The following ATG10 variants were observed in gnomAD, a reference collection of about 807,000 sequenced individuals.
ATG10 encodes the protein autophagy related 10.
In ATG10, 30 loss-of-function variants were observed where a neutral mutation model predicts 32.1. The observed-to-expected ratio is 0.94, with a 90% CI of 0.70 to 1.27. The LOEUF (loss-of-function observed/expected upper bound fraction) is 1.27. ATG10 is among the 50% of genes most tolerant of loss of function. ATG10 has a pLI of 0.00. For missense variants in ATG10, 233 were observed against 262.3 expected (o/e 0.89, Z 0.77); for synonymous variants, 87 against 91.5 (o/e 0.95, Z 0.28).
rs1262005564 is a variant in ATG10 at position 81,987,539 on chromosome 5, A to G, written c.-12-20A>G. ...ATATAATTCTAAAGTTGATGCTAAT[A>G]CTTAGTTTTTGTATTGCAGTTATCA... On this transcript the variant is annotated intron_variant, in intron 1 of 7. Transcript: ENST00000282185. 1.4e-6 allele frequency: 2 copies of G among 1,441,454 alleles called. No individual in the cohort carries two copies. The highest frequency in any genetic ancestry group is 1.2e-5 in the South Asian group (1 of 82,340). The allele number at this position is 1,441,454 out of a possible 1,614,324, so 89.3% of individuals were successfully genotyped here.
chr5:82,119,774 A>AT (rs1234836907), intron 3 of ATG10, among the ~76,000 whole-genome samples: 1 of 152,108 alleles, frequency 6.6e-6, no homozygotes, highest in Non-Finnish European at 1.5e-5. Flanking sequence ...ATTACCACAC[A>AT]TTTTTAAAAA....
chr5:81,977,773 A>G (rs1046141039), intron 1 of ATG10, among the ~76,000 whole-genome samples: 1 of 152,196 alleles, frequency 6.6e-6, no homozygotes, highest in Non-Finnish European at 1.5e-5. Flanking sequence ...CAGTTTTGCC[A>G]GGAAGTTTGA....
intron 5 of ATG10, among the ~76,000 whole-genome samples, chr5:82,195,875 T>C (rs1218187005): frequency 1.3e-5 from 2 of 152,248 alleles, no homozygotes; most frequent in East Asian, 3.8e-4. Flanking sequence ...GAATATGTTT[T>C]CAGTTTTCTT....
chr5:81,977,511 G>T (rs551589243), intron 1 of ATG10, among the ~76,000 whole-genome samples: 6 of 152,186 alleles, frequency 3.9e-5, no homozygotes, highest in African/African-American at 1.4e-4. Context: ...TTGAAGAGCG[G>T]GTTCCCCATA....
intron 3 of ATG10, among the ~76,000 whole-genome samples, chr5:82,151,428 G>T (rs1003468936): frequency 6.6e-6 from 1 of 152,154 alleles, no homozygotes; most frequent in Non-Finnish European, 1.5e-5. Flanking sequence ...TGCCATAGAG[G>T]TTAATTATGC....
chr5:82,246,226 A>G (rs1193951009), intron 5 of ATG10, among the ~76,000 whole-genome samples: 1 of 152,008 alleles, frequency 6.6e-6, no homozygotes, highest in Non-Finnish European at 1.5e-5. Flanking sequence ...GCCTGCCACC[A>G]CACCCAGCTA....
intron 3 of ATG10, among the ~76,000 whole-genome samples, chr5:82,153,326 C>A (rs1767676221): frequency 6.6e-6 from 1 of 152,088 alleles, no homozygotes; most frequent in Admixed American, 6.6e-5. Context: ...TACAAGTGGG[C>A]ACACATGTAT....
intron 3 of ATG10, among the ~76,000 whole-genome samples, chr5:82,096,414 C>T (rs1765066385): frequency 6.6e-6 from 1 of 152,154 alleles, no homozygotes; most frequent in Admixed American, 6.6e-5. Context: ...GAAACCCTCC[C>T]CCTCTGAATA....
rs189683953 is a variant in ATG10, at chr5:82,143,558, T to C, written c.217-20841T>C. Among the ~76,000 whole-genome samples, 113 of 152,314 alleles carry C rather than the reference T, an allele frequency of 7.4e-4. 1 individual carries two copies. Among genetic ancestry groups the C allele is most frequent in the African/African-American group, 2.5e-3 (102 of 41,550 alleles). On this transcript the variant is annotated intron_variant, in intron 3 of 7. Coordinates refer to ENST00000282185, the MANE Select transcript of ATG10 (RefSeq NM_031482.5). ...GAACAAAAGGATAGATTTATGACAG[T>C]AGCTAGTGGGGGAAAACAGGGTCTT...
At chr5:82,033,106 G>T (rs1762789349) in intron 2 of ATG10, among the ~76,000 whole-genome samples, 1 of 151,898 alleles carries the variant, frequency 6.6e-6, no homozygotes, top group Non-Finnish European at 1.5e-5. Context: ...TTTTAAAATT[G>T]TTGTATTTTA....
intron 5 of ATG10, among the ~76,000 whole-genome samples, chr5:82,229,362 C>T (rs1202823461): frequency 6.6e-6 from 1 of 152,168 alleles, no homozygotes; most frequent in Non-Finnish European, 1.5e-5. Flanking sequence ...TGTTGAAGAA[C>T]ATGTGCATGC....
At chr5:82,172,964 A>G (rs1179313978) in intron 4 of ATG10, among the ~76,000 whole-genome samples, 2 of 152,232 alleles carry the variant, frequency 1.3e-5, no homozygotes, top group African/African-American at 4.8e-5. Context: ...GTGGAGCTTC[A>G]TCTCTGCCTT....
At chr5:81,982,970 G>A (rs1310998602) in intron 1 of ATG10, among the ~76,000 whole-genome samples, 1 of 152,184 alleles carries the variant, frequency 6.6e-6, no homozygotes, top group Admixed American at 6.5e-5. Flanking sequence ...CACAGACACG[G>A]CAACCATCCC....
At chr5:82,164,358 A>G (rs768392208) in intron 3 of ATG10, 41 bp from the exon 4 acceptor site, 5 of 1,598,070 alleles carry the variant, frequency 3.1e-6, no homozygotes, top group Non-Finnish European at 4.3e-6. Context: ...TACTTTTCTT[A>G]TTAAGAAACC....
intron 2 of ATG10, among the ~76,000 whole-genome samples, chr5:82,055,070 G>A (rs1305188396): frequency 1.3e-5 from 2 of 152,012 alleles, no homozygotes; most frequent in Non-Finnish European, 2.9e-5. Context: ...GAGTTTGCTT[G>A]TCTCTAAAAA....
intron 3 of ATG10, among the ~76,000 whole-genome samples, chr5:82,062,277 C>T (rs752665755): frequency 3.3e-5 from 5 of 151,972 alleles, no homozygotes; most frequent in African/African-American, 9.7e-5. Flanking sequence ...GGAATGGAAT[C>T]GGATGATAAA....
chr5:82,064,795 C>T (rs747419180), intron 3 of ATG10, among the ~76,000 whole-genome samples: 12 of 151,924 alleles, frequency 7.9e-5, no homozygotes, highest in African/African-American at 1.2e-4. Flanking sequence ...ATAACAATAA[C>T]AATATTATAA....
intron 4 of ATG10, among the ~76,000 whole-genome samples, chr5:82,168,461 T>C (rs997078631): frequency 1.3e-5 from 2 of 152,210 alleles, no homozygotes; most frequent in Non-Finnish European, 1.5e-5. Flanking sequence ...GGATGACATA[T>C]GGGTTCTTCT....
chr5:82,013,786 G>C (rs545712946), intron 2 of ATG10, among the ~76,000 whole-genome samples: 1 of 151,822 alleles, frequency 6.6e-6, no homozygotes, highest in East Asian at 1.9e-4. Flanking sequence ...TATGTTTGTT[G>C]GCCATTTGTA....
Sources: gnomAD v4.1 joint callset for allele counts (sites outside exome capture counted in the v4.1 genomes callset) on GRCh38, gnomAD v4.1.1 for gene constraint, MANE v1.5 for transcripts, NCBI Gene and HGNC (gene_info 2026-07-23, HGNC 2026-07-21) for gene names.